SCHIP1: variants seen among roughly 807,000 people sequenced by gnomAD.
SCHIP1 encodes schwannomin interacting protein 1.
SCHIP1 carries 8 observed loss-of-function variants against 29.7 expected under a neutral mutation model. The observed-to-expected ratio is 0.27, with a 90% CI of 0.16 to 0.49. The LOEUF (loss-of-function observed/expected upper bound fraction) is 0.49. SCHIP1 is among the 20% of genes least tolerant of loss of function. SCHIP1 has a pLI of 0.99. For missense variants in SCHIP1, 193 were observed against 294.6 expected (o/e 0.66, Z 2.52); for synonymous variants, 76 against 94.9 (o/e 0.80, Z 1.16).
At chr3:159,626,180 C>CTAGATAGATAGA in the SCHIP1 span, among the ~76,000 whole-genome samples, 5 of 92,326 alleles carry the variant, frequency 5.4e-5, no homozygotes, top group South Asian at 3.0e-4. Context: ...ATCTATCTAT[C>CTAGATAGATAGA]TAGATAGATA....
chr3:159,395,762 G>A, the SCHIP1 span, among the ~76,000 whole-genome samples: 1 of 151,362 alleles, frequency 6.6e-6, no homozygotes, highest in African/African-American at 2.4e-5. Context: ...TTTTGGAATA[G>A]GTGTGGTGTG....
At chr3:159,693,826 C>A in the SCHIP1 span, among the ~76,000 whole-genome samples, 467 of 152,226 alleles carry the variant, frequency 3.1e-3, 3 homozygotes, top group Middle Eastern at 0.01. Context: ...TTTAAGATTT[C>A]GGTTAATAAG....
chr3:159,679,929 C>G, the SCHIP1 span, among the ~76,000 whole-genome samples: 1 of 152,136 alleles, frequency 6.6e-6, no homozygotes, highest in Non-Finnish European at 1.5e-5. Flanking sequence ...GTGTTCCACT[C>G]CAGACATCCA....
chr3:159,603,246 C>T, the SCHIP1 span, among the ~76,000 whole-genome samples: 2 of 152,162 alleles, frequency 1.3e-5, no homozygotes, highest in Non-Finnish European at 2.9e-5. Context: ...TCCATGCCTT[C>T]CCTAGGTATG....
upstream of SCHIP1, among the ~76,000 whole-genome samples, chr3:159,839,273 G>A (rs1165271037): frequency 6.9e-6 from 1 of 145,518 alleles, no homozygotes; most frequent in Admixed American, 6.8e-5. Context: ...AATAATATAT[G>A]TACAAAGCCT....
chr3:159,445,841 A>C, the SCHIP1 span, among the ~76,000 whole-genome samples: 1 of 128,838 alleles, frequency 7.8e-6, no homozygotes, highest in African/African-American at 2.9e-5. Flanking sequence ...ACACATGGAC[A>C]CAGGAAGGGG....
chr3:159,291,896 A>G, the SCHIP1 span, among the ~76,000 whole-genome samples: 1 of 152,170 alleles, frequency 6.6e-6, no homozygotes, highest in African/African-American at 2.4e-5. Flanking sequence ...TTATTTTAAA[A>G]AAAGAAGAAA....
the SCHIP1 span, among the ~76,000 whole-genome samples, chr3:159,373,739 C>CCTTT: frequency 6.6e-6 from 1 of 152,020 alleles, no homozygotes; most frequent in African/African-American, 2.4e-5. Context: ...TTACAAAATT[C>CCTTT]CTTTCTTTTC....
the SCHIP1 span, among the ~76,000 whole-genome samples, chr3:159,636,033 T>A: frequency 6.6e-6 from 1 of 152,176 alleles, no homozygotes; most frequent in Non-Finnish European, 1.5e-5. Flanking sequence ...TGTTTTAATT[T>A]TGCAATATTT....
the SCHIP1 span, among the ~76,000 whole-genome samples, chr3:159,694,544 GAAAGAAAGA>G: frequency 1.2e-4 from 2 of 16,032 alleles, no homozygotes; most frequent in East Asian, 2.7e-3. Context: ...AGACAAGAAA[GAAAGAAAGA>G]AAGAAAGAAA....
the SCHIP1 span, among the ~76,000 whole-genome samples, chr3:159,393,789 C>A: frequency 1.1e-4 from 16 of 151,592 alleles, no homozygotes; most frequent in Non-Finnish European, 1.3e-4. Context: ...ATTGACTTGG[C>A]GATGCGGGCT....
the SCHIP1 span, among the ~76,000 whole-genome samples, chr3:159,559,794 G>C: frequency 1.3e-5 from 2 of 151,908 alleles, no homozygotes; most frequent in Non-Finnish European, 2.9e-5. Flanking sequence ...TTTTTTCCTA[G>C]ATGAGAGTAT....
the SCHIP1 span, among the ~76,000 whole-genome samples, chr3:159,539,496 G>A: frequency 8.2e-4 from 111 of 136,166 alleles, 16 homozygotes; most frequent in African/African-American, 2.6e-3. Context: ...GCAAGGAACC[G>A]CTGGATGTTA....
chr3:159,543,203 G>GT, the SCHIP1 span, among the ~76,000 whole-genome samples: 2 of 149,400 alleles, frequency 1.3e-5, no homozygotes, highest in Admixed American at 6.7e-5. Flanking sequence ...GTTTTGTTTT[G>GT]TTTTTTTATT....
chr3:159,416,213 G>A, the SCHIP1 span, among the ~76,000 whole-genome samples: 25 of 152,202 alleles, frequency 1.6e-4, no homozygotes, highest in African/African-American at 5.5e-4. Context: ...CACAAAGCTC[G>A]TGCTTTCTCA....
At chr3:159,604,054 C>G in the SCHIP1 span, among the ~76,000 whole-genome samples, 3,231 of 152,248 alleles carry the variant, frequency 0.021, 107 homozygotes, top group African/African-American at 0.074. Context: ...CATTGGAGAT[C>G]AACTTTTCAA....
chr3:159,766,235 C>T, the SCHIP1 span, among the ~76,000 whole-genome samples: 5 of 152,216 alleles, frequency 3.3e-5, no homozygotes, highest in African/African-American at 9.6e-5. Context: ...ACCAGGACCC[C>T]GGGGCTCCTG....
chr3:159,888,389 A>G (rs917672555), intron 4 of SCHIP1: 6 of 204,024 alleles, frequency 2.9e-5, no homozygotes, highest in African/African-American at 1.4e-4. Context: ...TAAAATGGGG[A>G]TGATAATGCC....
At chr3:159,625,885 T>C in the SCHIP1 span, among the ~76,000 whole-genome samples, 1 of 151,862 alleles carries the variant, frequency 6.6e-6, no homozygotes, top group Non-Finnish European at 1.5e-5. Flanking sequence ...TCCCTACATG[T>C]AGAGGACAGA....
Sources: allele counts gnomAD v4.1 joint callset (sites outside exome capture counted in the v4.1 genomes callset), GRCh38; gene constraint gnomAD v4.1.1; transcripts MANE v1.5; gene names NCBI Gene and HGNC (gene_info 2026-07-23, HGNC 2026-07-21).